ULK4: variants seen among roughly 807,000 people sequenced by gnomAD.
ULK4 encodes the protein unc-51 like kinase 4, also known as inactive serine/threonine-protein kinase ULK4.
ULK4 carries 133 observed loss-of-function variants against 160.6 expected under a neutral mutation model. That is an observed-to-expected ratio of 0.83 (90% CI 0.72 to 0.96). The LOEUF (loss-of-function observed/expected upper bound fraction) is 0.96, where lower values mean the gene tolerates loss of function less well. Ranked by LOEUF, ULK4 falls within the 40% of genes least tolerant of loss-of-function variation. The pLI is 0.00. For synonymous variants in ULK4, 534 were observed against 539.8 expected, an observed-to-expected ratio of 0.99 and a Z score of 0.15; for missense variants, 1,580 against 1,499.5, an observed-to-expected ratio of 1.05 and a Z score of -0.89.
At chr3:41,775,388 G>A (rs933725214) in intron 21 of ULK4, among the ~76,000 whole-genome samples, 1 of 147,944 alleles carries the variant, frequency 6.8e-6, no homozygotes, top group Non-Finnish European at 1.5e-5. Flanking sequence ...ATATATATAT[G>A]GTGACAACTC....
At position 41,780,395 on chromosome 3, in the gene ULK4, T is replaced by C. The variant is rs180813446; in HGVS notation, c.2193+9266A>G. Among the ~76,000 whole-genome samples, 27 of 152,038 alleles carry C rather than the reference T, an allele frequency of 1.8e-4. No homozygotes were observed. In the East Asian group the frequency reaches 4.1e-3, roughly 23 times the overall value. On this transcript the variant is annotated intron_variant, in intron 21 of 36. Coordinates refer to ENST00000301831, the MANE Select transcript of ULK4 (RefSeq NM_017886.4). The stretch of plus-strand genomic sequence containing the variant: ...AAATTTATATTAAAAATATAAAAGA[T>C]GTTATCTTTTATATTTTAGGGAGAA...
chr3:41,645,626 T>G, intron 30 of ULK4, among the ~76,000 whole-genome samples: 1 of 152,110 alleles, frequency 6.6e-6, no homozygotes, highest in Non-Finnish European at 1.5e-5. Context: ...GTGGTCAATT[T>G]TGGAATAGGT....
chr3:41,377,388 T>G (rs2081528734), intron 35 of ULK4, among the ~76,000 whole-genome samples: 1 of 150,868 alleles, frequency 6.6e-6, no homozygotes, highest in Admixed American at 6.6e-5. Flanking sequence ...CTAATTAAAC[T>G]AAAGAGCTTC....
At position 41,771,980 on chromosome 3, in the gene ULK4, T is replaced by C. The variant is rs542552683; in HGVS notation, c.2194-17492A>G. On this transcript the variant is annotated intron_variant, in intron 21 of 36. Transcript: ENST00000301831. ...CTGCCTCTCCCCAATCCCACTACCC[T>C]CCGTCTATCCTCAGAAGCAAGCATG... Among the ~76,000 whole-genome samples, 24 of 152,188 alleles carry C rather than the reference T, an allele frequency of 1.6e-4. No homozygotes were observed. The East Asian group carries it at 4.6e-3, about 29-fold the overall frequency.
At chr3:41,262,416 T>C (rs926161968) in intron 35 of ULK4, among the ~76,000 whole-genome samples, 1 of 152,214 alleles carries the variant, frequency 6.6e-6, no homozygotes, top group African/African-American at 2.4e-5. Context: ...AGGAGGATGA[T>C]GGTAAGCTAG....
At chr3:41,404,468 CATT>C (rs2082254417) in intron 34 of ULK4, among the ~76,000 whole-genome samples, 1 of 152,008 alleles carries the variant, frequency 6.6e-6, no homozygotes, top group African/African-American at 2.4e-5. Context: ...CTGCCTATAT[CATT>C]ATATTTGAGG....
chr3:41,538,660 C>A (rs965753950), intron 32 of ULK4, among the ~76,000 whole-genome samples: 2 of 152,090 alleles, frequency 1.3e-5, no homozygotes, highest in African/African-American at 2.4e-5. Flanking sequence ...TGATTAACAT[C>A]ACAAGGTATT....
At chr3:41,955,964 G>C (rs942700914) in intron 1 of ULK4, among the ~76,000 whole-genome samples, 4 of 152,158 alleles carry the variant, frequency 2.6e-5, no homozygotes, top group Non-Finnish European at 5.9e-5. Flanking sequence ...TGTGAGGCAG[G>C]AGAACAGGGT....
chr3:41,758,426 A>G (rs1206606962), intron 21 of ULK4, among the ~76,000 whole-genome samples: 1 of 152,198 alleles, frequency 6.6e-6, no homozygotes, highest in Admixed American at 6.5e-5. Context: ...GGTCCAAGTC[A>G]CTTAGTTATA....
At chr3:41,494,686 G>A (rs991583894) in intron 32 of ULK4, among the ~76,000 whole-genome samples, 1 of 152,254 alleles carries the variant, frequency 6.6e-6, no homozygotes, top group African/African-American at 2.4e-5. Context: ...AAACCCCACT[G>A]TCTCAGCCCA....
At chr3:41,355,832 T>TA (rs1360711501) in intron 35 of ULK4, among the ~76,000 whole-genome samples, 1 of 152,232 alleles carries the variant, frequency 6.6e-6, no homozygotes, top group African/African-American at 2.4e-5. Flanking sequence ...AGGGCTGGTA[T>TA]AAATGTTTAA....
chr3:41,945,388 T>G (rs1056403472), intron 2 of ULK4, among the ~76,000 whole-genome samples: 4 of 152,112 alleles, frequency 2.6e-5, no homozygotes, highest in Non-Finnish European at 4.4e-5. Context: ...GAATTGCAGT[T>G]TGTAGCTCCC....
At chr3:41,331,090 T>C (rs1473117360) in intron 35 of ULK4, among the ~76,000 whole-genome samples, 1 of 152,226 alleles carries the variant, frequency 6.6e-6, no homozygotes. Context: ...CAGTAGCCAC[T>C]TGGGTGAAAG....
chr3:41,558,565 A>C (rs1350188823), intron 32 of ULK4, among the ~76,000 whole-genome samples: 1 of 151,864 alleles, frequency 6.6e-6, no homozygotes, highest in African/African-American at 2.4e-5. Flanking sequence ...TTAGCCGGGC[A>C]TGGTGGTGGG....
intron 16 of ULK4, among the ~76,000 whole-genome samples, chr3:41,892,769 G>C (rs1698011466): frequency 6.6e-6 from 1 of 152,158 alleles, no homozygotes; most frequent in African/African-American, 2.4e-5. Context: ...TGGACCATAA[G>C]ACACCAGACC....
chr3:41,703,587 C>T (rs2036756517), intron 27 of ULK4, among the ~76,000 whole-genome samples: 1 of 150,688 alleles, frequency 6.6e-6, no homozygotes, highest in Non-Finnish European at 1.5e-5. Flanking sequence ...AATATTTACC[C>T]CAAAAAGTTA....
chr3:41,455,331 ATAAAG>A (rs1362831948), intron 34 of ULK4, among the ~76,000 whole-genome samples, 161 bp downstream of exon 34: 25 of 152,244 alleles, frequency 1.6e-4, no homozygotes, highest in Non-Finnish European at 3.2e-4. Flanking sequence ...TGGTTTTAAA[ATAAAG>A]TAGAGATTTA....
At position 41,918,482 on chromosome 3, in the gene ULK4, T is replaced by G; in HGVS notation, c.702A>C (p.Glu234Asp). ...CTTTCGGAATAGGTGGCAAAGGATCTTCACATAAGATCTTTTCAGTTAATT... is the reference window on the plus strand; with the variant it reads ...CTTTCGGAATAGGTGGCAAAGGATCGTCACATAAGATCTTTTCAGTTAATT... ...ISELTEKILC[E>D]DPLPPIPKDS... The change falls in exon 7 of 37, where the codon GAA (glutamate) becomes GAC (aspartate). Residue 234 changes from glutamate to aspartate, a missense_variant. Coordinates refer to ENST00000301831, the MANE Select transcript of ULK4 (RefSeq NM_017886.4). 14 of 1,583,838 alleles carry G rather than the reference T, an allele frequency of 8.8e-6. No homozygotes were observed. The highest frequency in any genetic ancestry group is 1.2e-5 in the Non-Finnish European group (14 of 1,167,434).
At chr3:41,458,735 G>T (rs1272261952) in intron 33 of ULK4, among the ~76,000 whole-genome samples, 9 of 152,154 alleles carry the variant, frequency 5.9e-5, no homozygotes, top group Non-Finnish European at 7.3e-5. Context: ...ACAAGAGACA[G>T]TTACTTTCTC....
Sources: allele counts gnomAD v4.1 joint callset (sites outside exome capture counted in the v4.1 genomes callset), GRCh38; gene constraint gnomAD v4.1.1; transcripts MANE v1.5; gene names NCBI Gene and HGNC (gene_info 2026-07-23, HGNC 2026-07-21).